Variants in SDK1 observed in about 807,000 individuals in gnomAD.
SDK1 encodes protein sidekick-1.
SDK1 carries 157 observed loss-of-function variants against 245.5 expected under a neutral mutation model. The ratio of observed to expected loss-of-function variants is 0.64; its 90% CI spans 0.56 to 0.73. SDK1 has a LOEUF of 0.73. SDK1 is among the 30% of genes least tolerant of loss of function. The probability of loss-of-function intolerance (pLI) is 0.00; values close to 1 mark genes in which losing one functional copy is unlikely to be tolerated. For synonymous variants in SDK1, 1,647 were observed against 1,278.5 expected, an observed-to-expected ratio of 1.29 and a Z score of -6.15; for missense variants, 3,583 against 3,002.3, an observed-to-expected ratio of 1.19 and a Z score of -4.52.
chr7:3,567,960 G>A (rs368226182), intron 1 of SDK1, among the ~76,000 whole-genome samples: 2 of 152,142 alleles, frequency 1.3e-5, no homozygotes, highest in South Asian at 2.1e-4. Context: ...GGGACCACAG[G>A]TATGCACAAC....
intron 14 of SDK1, among the ~76,000 whole-genome samples, chr7:4,000,257 G>A (rs1416889088): frequency 6.6e-6 from 1 of 152,212 alleles, no homozygotes; most frequent in Non-Finnish European, 1.5e-5. Flanking sequence ...ATGTTCTGGG[G>A]TTCAGGTTGC....
chr7:3,637,173 C>T (rs929614315), intron 2 of SDK1, among the ~76,000 whole-genome samples: 1 of 152,130 alleles, frequency 6.6e-6, no homozygotes, highest in Non-Finnish European at 1.5e-5. Context: ...TCTTAGTTCA[C>T]TGCAACCTCC....
rs530888012 is a variant in SDK1, at chr7:3,507,780, A to G, written c.299-111300A>G. ...GACTCCCTCCAATTAGCATTGGAATATGTGTTAGTCTCCCTTTGTCTTAAA... is the reference window on the plus strand; with the variant it reads ...GACTCCCTCCAATTAGCATTGGAATGTGTGTTAGTCTCCCTTTGTCTTAAA... On this transcript the variant is annotated intron_variant, in intron 1 of 44. Coordinates refer to ENST00000404826, the MANE Select transcript of SDK1 (RefSeq NM_152744.4). 4.4e-4 allele frequency among the ~76,000 whole-genome samples: 67 copies of G among 152,212 alleles called. 1 individual carries two copies. In the South Asian group the frequency reaches 0.013, roughly 31 times the overall value.
Position 3,341,457 on chromosome 7 carries a change from C to G in SDK1, c.298+39573C>G, listed in dbSNP as rs548435890. On this transcript the variant is annotated intron_variant, in intron 1 of 44. Transcript: ENST00000404826. ...AGGTTGGGAACAAGGCCAGGATGTT[C>G]AGTCTTACCTTTGCTGTCCAAAACA... Among the ~76,000 whole-genome samples, 4 of 152,242 alleles carry G rather than the reference C, an allele frequency of 2.6e-5. No individual in the cohort carries two copies. The East Asian group carries it at 7.7e-4, about 29-fold the overall frequency.
chr7:3,826,476 G>A (rs183208612), intron 5 of SDK1, among the ~76,000 whole-genome samples: 43 of 152,324 alleles, frequency 2.8e-4, no homozygotes, highest in African/African-American at 9.9e-4. Flanking sequence ...CGACACAAGT[G>A]TTCCTGCTGC....
chr7:3,429,158 G>T (rs895125436), intron 1 of SDK1, among the ~76,000 whole-genome samples: 9 of 152,042 alleles, frequency 5.9e-5, no homozygotes, highest in Non-Finnish European at 1.2e-4. Flanking sequence ...AATTGTTCAG[G>T]GTACAAGAGA....
chr7:3,786,096 T>G (rs1363759299), intron 4 of SDK1, among the ~76,000 whole-genome samples: 1 of 152,184 alleles, frequency 6.6e-6, no homozygotes, highest in East Asian at 1.9e-4. Flanking sequence ...GCGAAAGTGC[T>G]CTCCTTAAGT....
intron 1 of SDK1, among the ~76,000 whole-genome samples, chr7:3,359,643 T>C (rs1780899671): frequency 6.6e-6 from 1 of 152,168 alleles, no homozygotes; most frequent in African/African-American, 2.4e-5. Context: ...CCCTTAGTGC[T>C]GACATTCCAC....
intron 1 of SDK1, among the ~76,000 whole-genome samples, chr7:3,556,821 A>G (rs1378424447): frequency 1.3e-5 from 2 of 152,098 alleles, no homozygotes; most frequent in African/African-American, 2.4e-5. Flanking sequence ...TAAAATAACT[A>G]GAAGAGTATA....
intron 5 of SDK1, among the ~76,000 whole-genome samples, chr7:3,903,092 T>A (rs2079376): frequency 1.3e-5 from 2 of 151,818 alleles, no homozygotes; most frequent in East Asian, 3.9e-4. Context: ...ACCTCTTTAC[T>A]CTCACTAGGA....
intron 1 of SDK1, among the ~76,000 whole-genome samples, chr7:3,379,543 A>G (rs146844603): frequency 6.6e-6 from 1 of 152,148 alleles, no homozygotes; most frequent in African/African-American, 2.4e-5. Context: ...GTCTGCCAGC[A>G]TCACTCCTCA....
chr7:4,102,371 A>G (rs559701124), intron 22 of SDK1, among the ~76,000 whole-genome samples: 35 of 152,196 alleles, frequency 2.3e-4, no homozygotes, highest in Middle Eastern at 6.8e-3. Context: ...TAGACGTGCA[A>G]GTTTTCCTGC....
chr7:3,572,449 T>C (rs951310531), intron 1 of SDK1, among the ~76,000 whole-genome samples: 1 of 152,016 alleles, frequency 6.6e-6, no homozygotes, highest in African/African-American at 2.4e-5. Flanking sequence ...GCATCACTTC[T>C]GACTGGGGAA....
intron 17 of SDK1, among the ~76,000 whole-genome samples, chr7:4,048,293 G>C (rs1398533000): frequency 6.6e-6 from 1 of 152,090 alleles, no homozygotes; most frequent in African/African-American, 2.4e-5. Flanking sequence ...AGCCTTGATG[G>C]TGCAGCCGGA....
At chr7:3,394,585 T>A (rs1781844586) in intron 1 of SDK1, among the ~76,000 whole-genome samples, 1 of 151,578 alleles carries the variant, frequency 6.6e-6, no homozygotes, top group South Asian at 2.1e-4. Context: ...ATAGGGATTA[T>A]TTTGAATGTA....
intron 4 of SDK1, among the ~76,000 whole-genome samples, chr7:3,784,206 C>A (rs1780833761): frequency 6.6e-6 from 1 of 151,642 alleles, no homozygotes; most frequent in African/African-American, 2.4e-5. Flanking sequence ...GGCATGACCC[C>A]CATGCCTGGC....
chr7:3,984,595 T>C (rs1783676414), intron 13 of SDK1, among the ~76,000 whole-genome samples: 2 of 152,150 alleles, frequency 1.3e-5, no homozygotes, highest in African/African-American at 2.4e-5. Flanking sequence ...TATGGTCACC[T>C]GGCCCGAGAA....
chr7:3,302,708 C>T (rs1356811399), intron 1 of SDK1, among the ~76,000 whole-genome samples: 1 of 151,990 alleles, frequency 6.6e-6, no homozygotes. Flanking sequence ...AAACACCCCC[C>T]TCAACCCAGA....
At position 3,610,112 on chromosome 7, in the gene SDK1, C is replaced by G. The variant is rs201612803; in HGVS notation, c.299-8968C>G. Among the ~76,000 whole-genome samples the G allele has an allele frequency of 8.5e-5, 13 of 152,308 alleles. No homozygotes were observed. The East Asian group carries it at 2.5e-3, about 29-fold the overall frequency. On this transcript the variant is annotated intron_variant, in intron 1 of 44. Coordinates refer to ENST00000404826, the MANE Select transcript of SDK1 (RefSeq NM_152744.4). ...TTGTAACTTTGCTAAAATCAATAAG[C>G]TTTGGTTGGACTTAGATGTCCTTTC...
Sources: gnomAD v4.1 joint callset for allele counts (sites outside exome capture counted in the v4.1 genomes callset) on GRCh38, gnomAD v4.1.1 for gene constraint, MANE v1.5 for transcripts, NCBI Gene and HGNC (gene_info 2026-07-23, HGNC 2026-07-21) for gene names.